The following CLVS1 variants were observed in gnomAD, a reference collection of about 807,000 sequenced individuals.
The protein encoded by CLVS1 is clavesin-1.
Under a neutral mutation model 33.1 loss-of-function variants are expected in CLVS1, and 10 were observed. The ratio of observed to expected loss-of-function variants is 0.30; its 90% CI spans 0.19 to 0.51. The LOEUF is 0.51. Among genes scored for constraint, CLVS1 ranks in the 20% least tolerant of loss-of-function variants. The pLI is 0.97. For synonymous variants in CLVS1, 163 were observed against 166.1 expected, an observed-to-expected ratio of 0.98 and a Z score of 0.14; for missense variants, 343 against 433.4, an observed-to-expected ratio of 0.79 and a Z score of 1.85.
chr8:61,162,824 C>A (rs1017211141), intron 2 of CLVS1, among the ~76,000 whole-genome samples: 1 of 152,138 alleles, frequency 6.6e-6, no homozygotes, highest in African/African-American at 2.4e-5. Context: ...TGTTTTATAT[C>A]TCGAGAGCCT....
intron 1 of CLVS1, among the ~76,000 whole-genome samples, chr8:61,098,449 A>G (rs1021271862): frequency 1.3e-4 from 20 of 151,538 alleles, no homozygotes; most frequent in Admixed American, 1.3e-4. Context: ...GTTCTCTGCT[A>G]TATCTGAGTT....
At chr8:61,090,956 G>A in intron 1 of CLVS1, 3 of 508,978 alleles carry the variant, frequency 5.9e-6, no homozygotes, top group East Asian at 1.1e-4. Context: ...AGGATCAGAG[G>A]GTAGACTGTG....
At chr8:61,156,379 G>A (rs901172518) in intron 2 of CLVS1, among the ~76,000 whole-genome samples, 2 of 151,286 alleles carry the variant, frequency 1.3e-5, no homozygotes, top group Admixed American at 6.6e-5. Context: ...CTCACACTTC[G>A]GATATGGCTC....
At chr8:61,305,592 G>A (rs1274580664) in intron 2 of CLVS1, among the ~76,000 whole-genome samples, 1 of 152,090 alleles carries the variant, frequency 6.6e-6, no homozygotes, top group Non-Finnish European at 1.5e-5. Context: ...AGGTACATGT[G>A]CAGGTTTGTT....
intron 2 of CLVS1, among the ~76,000 whole-genome samples, chr8:61,213,216 A>C (rs2129307769): frequency 6.7e-6 from 1 of 150,040 alleles, no homozygotes; most frequent in South Asian, 2.1e-4. Flanking sequence ...AAATGTGTCC[A>C]CTTGCTTCAC....
chr8:61,265,309 G>T (rs1286191819), intron 2 of CLVS1, among the ~76,000 whole-genome samples: 1 of 85,758 alleles, frequency 1.2e-5, no homozygotes, highest in Non-Finnish European at 3.4e-5. Flanking sequence ...ATGGAAGTCT[G>T]CCAAGTGTTC....
chr8:61,249,817 C>A (rs887526461), intron 2 of CLVS1, among the ~76,000 whole-genome samples: 3 of 152,000 alleles, frequency 2.0e-5, no homozygotes, highest in Admixed American at 6.6e-5. Context: ...GGATATTAAC[C>A]CTTTGTCAGA....
intron 2 of CLVS1, among the ~76,000 whole-genome samples, chr8:61,357,679 G>A (rs566675648): frequency 6.6e-5 from 10 of 150,794 alleles, no homozygotes; most frequent in African/African-American, 2.4e-4. Context: ...CTAATTTTTT[G>A]TATTTTTAGT....
intron 1 of CLVS1, among the ~76,000 whole-genome samples, chr8:61,058,173 T>C (rs943369109): frequency 6.6e-6 from 1 of 152,152 alleles, no homozygotes; most frequent in African/African-American, 2.4e-5. Flanking sequence ...TTATGACAGG[T>C]GCATTTTGGC....
chr8:61,401,348 G>C (rs1800228357), intron 3 of CLVS1, among the ~76,000 whole-genome samples: 1 of 152,122 alleles, frequency 6.6e-6, no homozygotes, highest in Non-Finnish European at 1.5e-5. Context: ...TCTTTCTCCT[G>C]ATTTTATGTG....
intron 5 of CLVS1, among the ~76,000 whole-genome samples, chr8:61,485,975 A>G (rs1379639936): frequency 1.3e-5 from 2 of 152,162 alleles, no homozygotes; most frequent in Non-Finnish European, 2.9e-5. Context: ...GAGGGATAGC[A>G]TTAGGAGTTA....
At chr8:61,106,541 G>C (rs1805542666) in intron 1 of CLVS1, among the ~76,000 whole-genome samples, 1 of 152,218 alleles carries the variant, frequency 6.6e-6, no homozygotes, top group Non-Finnish European at 1.5e-5. Context: ...AGGAAAATGA[G>C]CACGGAGTCC....
the CLVS1 span, among the ~76,000 whole-genome samples, chr8:61,011,517 C>T: frequency 6.8e-4 from 103 of 152,102 alleles, no homozygotes; most frequent in African/African-American, 2.4e-3. Context: ...GGCATGGTGT[C>T]GGCTCACTGC....
intron 1 of CLVS1, among the ~76,000 whole-genome samples, chr8:61,085,657 G>T (rs552003019): frequency 6.6e-6 from 1 of 151,358 alleles, no homozygotes; most frequent in Admixed American, 6.6e-5. Flanking sequence ...TTCGGAGGCC[G>T]AGGCAGGTGG....
At chr8:61,167,193 A>ATT (rs34299403) in intron 2 of CLVS1, among the ~76,000 whole-genome samples, 37 of 128,260 alleles carry the variant, frequency 2.9e-4, no homozygotes, top group African/African-American at 8.9e-4. Flanking sequence ...GCTTCCTTTA[A>ATT]TTTTTTTTTT....
At chr8:61,415,927 C>T (rs192262612) in intron 3 of CLVS1, among the ~76,000 whole-genome samples, 1 of 152,226 alleles carries the variant, frequency 6.6e-6, no homozygotes, top group East Asian at 1.9e-4. Flanking sequence ...AGTTTGGAGA[C>T]CCCTGCACTA....
chr8:61,461,520 C>A (rs13256758), intron 5 of CLVS1, among the ~76,000 whole-genome samples: 12,299 of 152,174 alleles, frequency 0.081, 523 homozygotes, highest in Non-Finnish European at 0.088. Flanking sequence ...GAACTCCATG[C>A]ATAATTTTTT....
chr8:61,179,841 G>C (rs565019151), intron 2 of CLVS1, among the ~76,000 whole-genome samples: 34 of 152,122 alleles, frequency 2.2e-4, no homozygotes, highest in African/African-American at 7.9e-4. Flanking sequence ...AGATAAAGCA[G>C]GGTTAAGAGG....
At chr8:61,147,026 C>T (rs1302577175) in intron 2 of CLVS1, among the ~76,000 whole-genome samples, 3 of 152,174 alleles carry the variant, frequency 2.0e-5, no homozygotes, top group South Asian at 2.1e-4. Flanking sequence ...GGGGCCAAAT[C>T]GAGCAGATCA....
Sources: gnomAD v4.1 joint callset for allele counts (sites outside exome capture counted in the v4.1 genomes callset) on GRCh38, gnomAD v4.1.1 for gene constraint, MANE v1.5 for transcripts, NCBI Gene and HGNC (gene_info 2026-07-23, HGNC 2026-07-21) for gene names.